Variants in RRM2B observed in about 807,000 individuals in gnomAD.
RRM2B encodes the protein ribonucleotide reductase regulatory TP53 inducible subunit M2B.
In RRM2B, 20 loss-of-function variants were observed where a neutral mutation model predicts 45.9. The ratio of observed to expected loss-of-function variants is 0.44; its 90% CI spans 0.31 to 0.63. RRM2B has a LOEUF of 0.63. Among genes scored for constraint, RRM2B ranks in the 30% least tolerant of loss-of-function variants. The probability of loss-of-function intolerance (pLI) is 0.09; values close to 1 mark genes in which losing one functional copy is unlikely to be tolerated. For synonymous variants in RRM2B, 124 were observed against 132.3 expected (o/e 0.94, Z 0.43); for missense variants, 320 against 414.7 (o/e 0.77, Z 1.98).
Position 102,238,535 on chromosome 8 carries a change from G to A in RRM2B, c.48+292C>T, listed in dbSNP as rs905948923. The A allele has an allele frequency of 1.6e-5, 24 of 1,480,960 alleles. No homozygotes were observed. The African/African-American group carries it at 3.2e-4, about 20-fold the overall frequency. 91.7% of individuals were successfully genotyped at this position (1,480,960 alleles called of 1,614,324 possible). A position where few individuals can be genotyped will look rare whatever the true frequency, so the allele number is the denominator to read the frequency against. On this transcript the variant is annotated intron_variant, in intron 1 of 8. Transcript: ENST00000251810. ...AAGGAGGGTGGGAGAGCGTGAGGCG[G>A]ATAAACGCAGGGGTAAGTCTCACCC...
At position 102,208,028 on chromosome 8, in the gene RRM2B, A is replaced by AC; in HGVS notation, c.*104dup. 1 of 880,450 alleles carries AC rather than the reference A, an allele frequency of 1.1e-6. No homozygotes were observed. Among genetic ancestry groups the AC allele is most frequent in the Non-Finnish European group, 1.8e-6 (1 of 552,762 alleles). The allele number at this position is 880,450 out of a possible 1,614,324, so 54.5% of individuals were successfully genotyped here. On this transcript the variant is annotated 3_prime_UTR_variant, in exon 9 of 9. Transcript: ENST00000251810. Reference sequence around the variant, plus strand: ...AGGTTTTGGATTTCCTTTTGAGCAAACCCCCAGTCCTTTAAAGGATATACT... The same window carrying AC: ...AGGTTTTGGATTTCCTTTTGAGCAAACCCCCCAGTCCTTTAAAGGATATACT...
intron 5 of RRM2B, among the ~76,000 whole-genome samples, chr8:102,222,467 A>AT (rs1810853401): frequency 6.6e-6 from 1 of 152,210 alleles, no homozygotes; most frequent in Non-Finnish European, 1.5e-5. Context: ...TATACGCACT[A>AT]TATCACTGGT....
rs1173362660 is a variant in RRM2B at position 102,214,071 on chromosome 8, C to T, written c.772G>A (p.Ala258Thr). The T allele has an allele frequency of 1.2e-6, 2 of 1,612,222 alleles. No individual in the cohort carries two copies. The highest frequency in any genetic ancestry group is 2.2e-5 in the South Asian group (2 of 91,038). The change falls in exon 7 of 9, where the codon GCT (alanine) becomes ACT (threonine). Residue 258 changes from alanine to threonine, a missense_variant. Ala to Thr is a moderately conservative substitution (Grantham distance 58, BLOSUM62 0). This residue lies in a region of RRM2B where 225 missense variants were observed against 289.4 expected (regional missense o/e 0.78). Transcript: ENST00000251810. ...CGGTTTACCTGCTCAATTTTGACAGCATCAACAATGATCTCCCTGACCCTT... is the reference window on the plus strand; with the variant it reads ...CGGTTTACCTGCTCAATTTTGACAGTATCAACAATGATCTCCCTGACCCTT... ...EERVREIIVD[A>T]VKIEQEFLTE...
At chr8:102,220,415 G>A (rs28928588) in intron 5 of RRM2B, among the ~76,000 whole-genome samples, 5,359 of 152,162 alleles carry the variant, frequency 0.035, 164 homozygotes, top group Admixed American at 0.085. Context: ...AAATACAAAC[G>A]TGAATAAAAG....
In RRM2B at chr8:102,207,375, T is replaced by C. The variant is rs1563658215; in HGVS notation, c.*758A>G. ...AATCTGGCAATAGTTATGTTTTTAA[T>C]TTCTGAAGAAGAATCATTTTTCTTA... is the stretch of plus-strand genomic sequence containing the variant. On this transcript the variant is annotated 3_prime_UTR_variant, in exon 9 of 9. Coordinates refer to ENST00000251810, the MANE Select transcript of RRM2B (RefSeq NM_015713.5). The C allele has an allele frequency of 6.6e-6, 1 of 152,240 alleles. No individual in the cohort carries two copies. Among genetic ancestry groups the C allele is most frequent in the African/African-American group, 2.4e-5 (1 of 41,464 alleles). The allele number at this position is 152,240 out of a possible 1,614,324, so 9.4% of individuals were successfully genotyped here. A position where few individuals can be genotyped will look rare whatever the true frequency, so the allele number is the denominator to read the frequency against.
At chr8:102,225,518 C>T (rs1810917093) in intron 3 of RRM2B, among the ~76,000 whole-genome samples, 1 of 152,130 alleles carries the variant, frequency 6.6e-6, no homozygotes, top group Non-Finnish European at 1.5e-5. Flanking sequence ...AGGTATGAGC[C>T]ACCGTACCCG....
chr8:102,205,324 C>T lies in RRM2B; in HGVS notation c.*2809G>A, dbSNP rs886062562. 1.3e-5 allele frequency: 2 copies of T among 152,012 alleles called. No homozygotes were observed. The highest frequency in any genetic ancestry group is 4.2e-4 in the South Asian group (2 of 4,814). 9.4% of individuals were successfully genotyped at this position (152,012 alleles called of 1,614,324 possible). A position where few individuals can be genotyped will look rare whatever the true frequency, so the allele number is the denominator to read the frequency against. ...AAATATGCAAACTGCTACATTTTCT[C>T]AATAATCAATTCATGCACAAATAAA... On this transcript the variant is annotated 3_prime_UTR_variant, in exon 9 of 9. Coordinates refer to ENST00000251810, the MANE Select transcript of RRM2B (RefSeq NM_015713.5).
intron 7 of RRM2B, among the ~76,000 whole-genome samples, chr8:102,213,198 C>G (rs988663854): frequency 3.9e-5 from 6 of 151,924 alleles, no homozygotes; most frequent in Non-Finnish European, 8.8e-5. Context: ...AAAAAAGATA[C>G]TTTGTTCTAA....
In RRM2B at chr8:102,231,993, C is replaced by T. The variant is rs2015704; in HGVS notation, c.204+156G>A. ...TTATAGATAGTAATCTAAACTAAAA[C>T]ATTGAGAACATCATATTTAGTCTCA... is the stretch of plus-strand genomic sequence containing the variant. On this transcript the variant is annotated intron_variant, in intron 2 of 8. Transcript: ENST00000251810. 0.1 allele frequency among the ~76,000 whole-genome samples: 15,412 copies of T among 151,838 alleles called. 824 individuals are homozygous for T. The highest frequency in any genetic ancestry group is 0.11 in the African/African-American group (4,510 of 41,414).
chr8:102,232,093 C>A (rs1042976739), intron 2 of RRM2B, 56 bp downstream of exon 2: 1 of 1,496,886 alleles, frequency 6.7e-7, no homozygotes, highest in African/African-American at 1.4e-5. Flanking sequence ...TCCTGTAAAA[C>A]AAGAAGGAAC....
chr8:102,232,204 G>C lies in RRM2B; in HGVS notation c.149C>G (p.Pro50Arg), dbSNP rs1395443884. The change falls in exon 2 of 9, where the codon CCT (proline) becomes CGT (arginine). Residue 50 changes from proline (P) to arginine (R), a missense_variant. Physicochemically the swap from Pro to Arg is moderately radical, Grantham distance 103. Transcript: ENST00000251810. ...CTGTTTATACATTTTCCAAATATCA[G>C]GGTACTGGATTGGAAAGATGACAAA... ...RRFVIFPIQYPDIWKMYKQAQ... is the reference protein window; with the variant it reads ...RRFVIFPIQYRDIWKMYKQAQ... 1.9e-6 allele frequency: 3 copies of C among 1,614,016 alleles called. No individual in the cohort carries two copies. Among genetic ancestry groups the C allele is most frequent in the African/African-American group, 2.7e-5 (2 of 74,930 alleles).
At chr8:102,208,691 G>A (rs1419538402) in intron 8 of RRM2B, among the ~76,000 whole-genome samples, 1 of 152,086 alleles carries the variant, frequency 6.6e-6, no homozygotes, top group Non-Finnish European at 1.5e-5. Context: ...AATCCACTGT[G>A]GTTCTAAGTA....
At chr8:102,230,644 T>C (rs948919296) in intron 2 of RRM2B, among the ~76,000 whole-genome samples, 1 of 152,222 alleles carries the variant, frequency 6.6e-6, no homozygotes, top group African/African-American at 2.4e-5. Flanking sequence ...AACTATAATA[T>C]AACAAAGATG....
At chr8:102,225,468 G>A (rs1227231745) in intron 3 of RRM2B, among the ~76,000 whole-genome samples, 6 of 151,856 alleles carry the variant, frequency 4.0e-5, no homozygotes, top group Admixed American at 6.6e-5. Context: ...TCTTGACCTC[G>A]TGATCCGCCC....
chr8:102,236,855 T>C (rs1419874906), intron 1 of RRM2B, among the ~76,000 whole-genome samples: 2 of 152,216 alleles, frequency 1.3e-5, no homozygotes, highest in Non-Finnish European at 2.9e-5. Flanking sequence ...TGCCTGGGCA[T>C]GTCAGGACAA....
At chr8:102,223,105 A>G (rs1810863328) in intron 5 of RRM2B, among the ~76,000 whole-genome samples, 1 of 152,142 alleles carries the variant, frequency 6.6e-6, no homozygotes, top group South Asian at 2.1e-4. Context: ...TTAAAAATAG[A>G]TAAGAATGAG....
intron 5 of RRM2B, among the ~76,000 whole-genome samples, chr8:102,220,232 T>C (rs1338450462): frequency 1.3e-5 from 2 of 152,138 alleles, no homozygotes; most frequent in Non-Finnish European, 2.9e-5. Flanking sequence ...AGTGAGCCCA[T>C]CTCAAAAATC....
At chr8:102,235,600 G>A (rs1291733816) in intron 1 of RRM2B, among the ~76,000 whole-genome samples, 7 of 152,186 alleles carry the variant, frequency 4.6e-5, no homozygotes, top group South Asian at 2.1e-4. Context: ...CAGCACTTTC[G>A]GAGGCCGAGG....
chr8:102,238,541 C>G (rs1057318195), intron 1 of RRM2B: 1 of 1,492,810 alleles, frequency 6.7e-7, no homozygotes, highest in Non-Finnish European at 8.9e-7. Flanking sequence ...GGCGGATAAA[C>G]GCAGGGGTAA....
Sources: allele counts gnomAD v4.1 joint callset (sites outside exome capture counted in the v4.1 genomes callset), GRCh38; gene constraint gnomAD v4.1.1; regional missense constraint gnomAD v4.1.1; transcripts MANE v1.5; gene names NCBI Gene and HGNC (gene_info 2026-07-23, HGNC 2026-07-21).